Variants in PIK3CB observed in about 807,000 individuals in gnomAD.
PIK3CB encodes phosphatidylinositol-4,5-bisphosphate 3-kinase catalytic subunit beta, also known as phosphatidylinositol 4,5-bisphosphate 3-kinase catalytic subunit beta isoform.
In PIK3CB, 39 loss-of-function variants were observed where a neutral mutation model predicts 136.8. The observed-to-expected ratio is 0.29, with a 90% CI of 0.22 to 0.37. The LOEUF is 0.37. PIK3CB is among the 10% of genes least tolerant of loss of function. The probability of loss-of-function intolerance (pLI) is 1.00; values close to 1 mark genes in which losing one functional copy is unlikely to be tolerated. For synonymous variants in PIK3CB, 428 were observed against 436.6 expected, an observed-to-expected ratio of 0.98 and a Z score of 0.25; for missense variants, 868 against 1,275.4, an observed-to-expected ratio of 0.68 and a Z score of 4.87.
intron 5 of PIK3CB, among the ~76,000 whole-genome samples, chr3:138,741,546 T>C (rs966360684): frequency 1.3e-5 from 2 of 152,146 alleles, no homozygotes; most frequent in Non-Finnish European, 2.9e-5. Context: ...ACAAAACATC[T>C]GGCTGTGTGC....
intron 1 of PIK3CB, among the ~76,000 whole-genome samples, chr3:138,809,183 C>G (rs149121359): frequency 0.014 from 2,165 of 151,844 alleles, 51 homozygotes; most frequent in Middle Eastern, 0.048. Flanking sequence ...GAAGCTGAGG[C>G]AGGAGAATCG....
chr3:138,754,203 G>A (rs1273228357), intron 4 of PIK3CB, among the ~76,000 whole-genome samples: 1 of 151,890 alleles, frequency 6.6e-6, no homozygotes, highest in Non-Finnish European at 1.5e-5. Flanking sequence ...TCTGAAGGCT[G>A]AGGCAGGCAG....
chr3:138,704,332 GT>G, intron 12 of PIK3CB, 110 bp downstream of exon 12: 1 of 795,344 alleles, frequency 1.3e-6, no homozygotes, highest in South Asian at 1.5e-5. Flanking sequence ...CTCACAGACT[GT>G]TCTTGCATAT....
At chr3:138,793,846 A>G (rs1318470844) in intron 2 of PIK3CB, among the ~76,000 whole-genome samples, 1 of 152,200 alleles carries the variant, frequency 6.6e-6, no homozygotes, top group Non-Finnish European at 1.5e-5. Flanking sequence ...ATAGTGAGGC[A>G]CCATCTCTTA....
At chr3:138,823,502 A>G (rs1053653829) in intron 1 of PIK3CB, among the ~76,000 whole-genome samples, 2 of 151,980 alleles carry the variant, frequency 1.3e-5, no homozygotes, top group Non-Finnish European at 2.9e-5. Context: ...CAGGAGATCG[A>G]GACCATCCTG....
At chr3:138,707,099 A>G in intron 11 of PIK3CB, 60 bp downstream of exon 11, 1 of 1,030,620 alleles carries the variant, frequency 9.7e-7, no homozygotes, top group African/African-American at 1.6e-5. Context: ...TAAACTATAC[A>G]TAGAGGAACT....
chr3:138,750,746 T>C (rs2045455216), intron 4 of PIK3CB, among the ~76,000 whole-genome samples: 2 of 152,240 alleles, frequency 1.3e-5, no homozygotes, highest in Non-Finnish European at 2.9e-5. Flanking sequence ...CTAACTACCA[T>C]TCAACTGTTT....
chr3:138,727,783 T>C (rs972555295), intron 8 of PIK3CB, among the ~76,000 whole-genome samples: 2 of 152,184 alleles, frequency 1.3e-5, no homozygotes, highest in Non-Finnish European at 2.9e-5. Context: ...TTACCAAAAT[T>C]GACACAAAAG....
chr3:138,697,529 G>A (rs1407767037), intron 13 of PIK3CB, among the ~76,000 whole-genome samples: 2 of 151,836 alleles, frequency 1.3e-5, no homozygotes, highest in African/African-American at 2.4e-5. Context: ...TCAGCCTCCC[G>A]GGCTCGAATG....
chr3:138,726,007 T>TA (rs751429223), intron 8 of PIK3CB, among the ~76,000 whole-genome samples: 22 of 152,210 alleles, frequency 1.4e-4, no homozygotes, highest in Non-Finnish European at 2.6e-4. Flanking sequence ...CATAGTTAGT[T>TA]AGGTTCAACA....
In PIK3CB at chr3:138,653,683, G is replaced by C. The variant is rs112131732; in HGVS notation, c.*1706C>G. The C allele has an allele frequency of 5.4e-6, 1 of 183,806 alleles. No homozygotes were observed. Among genetic ancestry groups the C allele is most frequent in the African/African-American group, 2.4e-5 (1 of 42,526 alleles). The allele number at this position is 183,806 out of a possible 1,614,324, so 11.4% of individuals were successfully genotyped here. A position where few individuals can be genotyped will look rare whatever the true frequency, so the allele number is the denominator to read the frequency against. ...CAGGGGCCAACTCCCATCCTCAGCT[G>C]AGTTATTTCCAAGGAACTGGACTGC... On this transcript the variant is annotated 3_prime_UTR_variant, in exon 24 of 24. Transcript: ENST00000674063.
chr3:138,782,884 C>T (rs2045936915), intron 2 of PIK3CB, among the ~76,000 whole-genome samples: 1 of 152,176 alleles, frequency 6.6e-6, no homozygotes, highest in Admixed American at 6.5e-5. Context: ...GGTCTGTTGA[C>T]AGCAATTTAG....
intron 2 of PIK3CB, among the ~76,000 whole-genome samples, chr3:138,792,656 G>A (rs1224400189): frequency 6.6e-6 from 1 of 152,220 alleles, no homozygotes; most frequent in Non-Finnish European, 1.5e-5. Context: ...CATAGGTAAA[G>A]GGTTTAGCTC....
At chr3:138,672,908 T>C (rs1314943977) in intron 19 of PIK3CB, among the ~76,000 whole-genome samples, 4 of 125,174 alleles carry the variant, frequency 3.2e-5, no homozygotes, top group African/African-American at 9.5e-5. Context: ...TGAGACTCCG[T>C]TGAAAAAAAA....
intron 1 of PIK3CB, among the ~76,000 whole-genome samples, chr3:138,801,885 T>C (rs982913032): frequency 9.0e-6 from 1 of 111,204 alleles, no homozygotes; most frequent in Non-Finnish European, 2.0e-5. Flanking sequence ...AAAAAAAAGA[T>C]AAAGAAAAAA....
At position 138,727,504 on chromosome 3, in the gene PIK3CB, C is replaced by T. The variant is rs549218199; in HGVS notation, c.1050+5857G>A. 5.3e-5 allele frequency among the ~76,000 whole-genome samples: 8 copies of T among 152,318 alleles called. No individual in the cohort carries two copies. In the South Asian group the frequency reaches 8.3e-4, roughly 16 times the overall value. On this transcript the variant is annotated intron_variant, in intron 8 of 23. Coordinates refer to ENST00000674063, the MANE Select transcript of PIK3CB (RefSeq NM_006219.3). ...TCTAGTTACAGAGAGAAGACCCCAG[C>T]CAACAGCCAGCAGGGAATTGGAGAC...
At chr3:138,731,851 C>T (rs1361806514) in intron 8 of PIK3CB, among the ~76,000 whole-genome samples, 3 of 151,546 alleles carry the variant, frequency 2.0e-5, no homozygotes, top group East Asian at 2.0e-4. Flanking sequence ...GGTGTGGTGG[C>T]GTGTGCCTGT....
At chr3:138,698,711 T>C (rs530052023) in intron 13 of PIK3CB, among the ~76,000 whole-genome samples, 196 bp downstream of exon 13, 1 of 152,304 alleles carries the variant, frequency 6.6e-6, no homozygotes, top group East Asian at 1.9e-4. Context: ...ATGGCAATCC[T>C]ACCCAAAATC....
At chr3:138,765,317 CA>C (rs1043525681) in intron 2 of PIK3CB, among the ~76,000 whole-genome samples, 4 of 148,752 alleles carry the variant, frequency 2.7e-5, no homozygotes, top group East Asian at 2.0e-4. Context: ...ACTCCATTTC[CA>C]AAAAAAAAGA....
Sources: allele counts gnomAD v4.1 joint callset (sites outside exome capture counted in the v4.1 genomes callset), GRCh38; gene constraint gnomAD v4.1.1; transcripts MANE v1.5; gene names NCBI Gene and HGNC (gene_info 2026-07-23, HGNC 2026-07-21).